Variants in PDLIM5 observed in about 807,000 individuals in gnomAD.
PDLIM5 encodes the protein PDZ and LIM domain 5, also known as PDZ and LIM domain protein 5.
A neutral mutation model predicts 64.2 loss-of-function variants in PDLIM5; 34 were observed. The ratio of observed to expected loss-of-function variants is 0.53; its 90% CI spans 0.40 to 0.71. PDLIM5 has a LOEUF of 0.71. Ranked by LOEUF, PDLIM5 falls within the 30% of genes least tolerant of loss-of-function variation. The pLI, the probability that PDLIM5 is intolerant of heterozygous loss-of-function variation, is 0.00. For missense variants in PDLIM5, 683 were observed against 733.6 expected (o/e 0.93, Z 0.80); for synonymous variants, 253 against 269.1 (o/e 0.94, Z 0.59).
intron 7 of PDLIM5, chr4:94,587,236 G>A (rs1578426590): frequency 6.7e-6 from 9 of 1,344,658 alleles, no homozygotes; most frequent in South Asian, 5.5e-5. Context: ...GTGAGAAAAG[G>A]AAGATGAACA....
chr4:94,665,041 T>C lies in PDLIM5; in HGVS notation c.*974T>C, dbSNP rs958128201. The C allele has an allele frequency of 2.0e-6, 2 of 982,058 alleles. No homozygotes were observed. Among genetic ancestry groups the C allele is most frequent in the Admixed American group, 6.2e-5 (1 of 16,260 alleles). 60.8% of individuals were successfully genotyped at this position (982,058 alleles called of 1,614,324 possible). Reference sequence around the variant, plus strand: ...TACCATATAGCTTATAAGTCTCAAATTTTTGCCTTTTACTAAAATGTGATT... The same window carrying C: ...TACCATATAGCTTATAAGTCTCAAACTTTTGCCTTTTACTAAAATGTGATT... On this transcript the variant is annotated 3_prime_UTR_variant, in exon 13 of 13. Coordinates refer to ENST00000317968, the MANE Select transcript of PDLIM5 (RefSeq NM_006457.5).
intron 3 of PDLIM5, among the ~76,000 whole-genome samples, chr4:94,560,759 T>G (rs750500537): frequency 2.0e-5 from 3 of 152,166 alleles, no homozygotes; most frequent in Non-Finnish European, 4.4e-5. Flanking sequence ...AGACGAAGTC[T>G]TGCTGTTGCC....
chr4:94,469,141 C>A (rs1434843164), intron 2 of PDLIM5, among the ~76,000 whole-genome samples: 1 of 152,080 alleles, frequency 6.6e-6, no homozygotes, highest in African/African-American at 2.4e-5. Flanking sequence ...TGAGTGCCAG[C>A]TATGTGCTCT....
At chr4:94,542,332 A>AAAGT (rs375545453) in intron 3 of PDLIM5, among the ~76,000 whole-genome samples, 9 of 150,186 alleles carry the variant, frequency 6.0e-5, no homozygotes, top group African/African-American at 9.7e-5. Flanking sequence ...ATAAATAAAT[A>AAAGT]AAGTAAGTAA....
intron 7 of PDLIM5, among the ~76,000 whole-genome samples, chr4:94,616,618 G>A (rs573529760): frequency 6.6e-6 from 1 of 152,250 alleles, no homozygotes; most frequent in East Asian, 1.9e-4. Flanking sequence ...CATGAGGGAG[G>A]CAGTCTTTGA....
intron 7 of PDLIM5, among the ~76,000 whole-genome samples, chr4:94,589,493 G>A (rs555940372): frequency 2.0e-5 from 3 of 152,284 alleles, no homozygotes; most frequent in South Asian, 2.1e-4. Context: ...GTCAGAAGAT[G>A]AATTCCTGAG....
intron 7 of PDLIM5, chr4:94,588,094 G>A: frequency 1.1e-6 from 1 of 931,802 alleles, no homozygotes; most frequent in Non-Finnish European, 1.3e-6. Flanking sequence ...TTTGAAGTTT[G>A]GAAAAGTATT....
At position 94,610,345 on chromosome 4, in the gene PDLIM5, C is replaced by A. The variant is rs75372100; in HGVS notation, c.921-7659C>A. 3.7e-4 allele frequency: 498 copies of A among 1,343,544 alleles called. 3 individuals carry two copies. The African/African-American group carries it at 6.9e-3, about 19-fold the overall frequency. 83.2% of individuals were successfully genotyped at this position (1,343,544 alleles called of 1,614,324 possible). ...CAGCGTCTGTCTGATGTGATCTCAG[C>A]GCTCTTCACTGTCTTACAAGTCACC... is the stretch of plus-strand genomic sequence containing the variant. On this transcript the variant is annotated intron_variant, in intron 7 of 12. Coordinates refer to ENST00000317968, the MANE Select transcript of PDLIM5 (RefSeq NM_006457.5).
At chr4:94,475,983 A>G (rs1725288826) in intron 2 of PDLIM5, among the ~76,000 whole-genome samples, 1 of 152,200 alleles carries the variant, frequency 6.6e-6, no homozygotes, top group African/African-American at 2.4e-5. Flanking sequence ...CTCTTAAAAC[A>G]CACACAATCA....
At chr4:94,497,184 G>A (rs1003730489) in intron 2 of PDLIM5, among the ~76,000 whole-genome samples, 1 of 152,156 alleles carries the variant, frequency 6.6e-6, no homozygotes, top group Admixed American at 6.5e-5. Context: ...TCAAAAGAAG[G>A]CATTGTAAAT....
rs1395393405 is a variant in PDLIM5 at position 94,654,540 on chromosome 4, A to G, written c.1364A>G (p.Tyr455Cys). The change falls in exon 10 of 13, where the codon TAC becomes TGC. Residue 455 changes from tyrosine to cysteine, a missense_variant. Transcript: ENST00000317968. ...NCAHCKNTMA[Y>C]IGFVEEKGAL... ...GCTCACTGCAAAAATACAATGGCCT[A>G]CATTGGATTTGTAGAGGAGAAAGGA... 32 of 1,609,838 alleles carry G rather than the reference A, an allele frequency of 2.0e-5. No homozygotes were observed. Among genetic ancestry groups the G allele is most frequent in the Non-Finnish European group, 2.6e-5 (30 of 1,176,192 alleles).
intron 9 of PDLIM5, among the ~76,000 whole-genome samples, chr4:94,654,061 T>A (rs552806754): frequency 6.6e-6 from 1 of 152,202 alleles, no homozygotes; most frequent in Non-Finnish European, 1.5e-5. Flanking sequence ...TGTAGAAGTG[T>A]CAAAGTCTCA....
intron 2 of PDLIM5, among the ~76,000 whole-genome samples, chr4:94,470,128 G>T (rs1034378030): frequency 6.6e-6 from 1 of 151,514 alleles, no homozygotes; most frequent in Admixed American, 6.6e-5. Context: ...CACCACACCC[G>T]GCTAATTTTT....
intron 8 of PDLIM5, among the ~76,000 whole-genome samples, chr4:94,634,600 A>C (rs1740410001): frequency 6.6e-6 from 1 of 152,172 alleles, no homozygotes; most frequent in African/African-American, 2.4e-5. Context: ...TGGTAGTTGA[A>C]ATTTTATTTG....
chr4:94,625,768 T>C (rs1158442119), intron 8 of PDLIM5, among the ~76,000 whole-genome samples: 1 of 152,146 alleles, frequency 6.6e-6, no homozygotes, highest in Non-Finnish European at 1.5e-5. Context: ...TAGACATTCT[T>C]AACCTCTGAT....
chr4:94,608,322 T>C, intron 7 of PDLIM5: 2 of 421,910 alleles, frequency 4.7e-6, no homozygotes, highest in Non-Finnish European at 8.3e-6. Flanking sequence ...GCACTCAGCC[T>C]CAAAACAGCG....
At chr4:94,637,903 A>G (rs1317926660) in intron 8 of PDLIM5, among the ~76,000 whole-genome samples, 2 of 152,194 alleles carry the variant, frequency 1.3e-5, no homozygotes, top group African/African-American at 4.8e-5. Context: ...CCAGAATTCA[A>G]AAGATAGAGG....
At chr4:94,508,458 T>G (rs746812387) in intron 2 of PDLIM5, among the ~76,000 whole-genome samples, 4 of 152,114 alleles carry the variant, frequency 2.6e-5, no homozygotes, top group Non-Finnish European at 4.4e-5. Context: ...TTGGGTCAAG[T>G]GTTGATGGGC....
At chr4:94,587,178 T>C (rs1044261174) in intron 7 of PDLIM5, 10 of 1,479,076 alleles carry the variant, frequency 6.8e-6, no homozygotes, top group African/African-American at 1.5e-5. Flanking sequence ...ATTTGCCTTA[T>C]GAAAAAATAG....
Sources: gnomAD v4.1 joint callset for allele counts (sites outside exome capture counted in the v4.1 genomes callset) on GRCh38, gnomAD v4.1.1 for gene constraint, MANE v1.5 for transcripts, NCBI Gene and HGNC (gene_info 2026-07-23, HGNC 2026-07-21) for gene names.